Variants in JMJD1C observed in about 807,000 individuals in gnomAD.
JMJD1C encodes jumonji domain-containing protein 1C.
Under a neutral mutation model 245.3 loss-of-function variants are expected in JMJD1C, and 31 were observed. That is an observed-to-expected ratio of 0.13 (90% CI 0.09 to 0.17). JMJD1C has a LOEUF of 0.17. JMJD1C is among the 10% of genes least tolerant of loss of function. JMJD1C has a pLI of 1.00. For synonymous variants in JMJD1C, 1,057 were observed against 1,017.4 expected (o/e 1.04, Z -0.74); for missense variants, 2,691 against 3,000.2 (o/e 0.90, Z 2.41).
chr10:63,332,078 A>G (rs1942215300), intron 2 of JMJD1C, among the ~76,000 whole-genome samples: 1 of 152,236 alleles, frequency 6.6e-6, no homozygotes, highest in African/African-American at 2.4e-5. Context: ...CACAAAAGAC[A>G]ATAGCCAACA....
chr10:63,274,020 A>G (rs891322863), intron 2 of JMJD1C, among the ~76,000 whole-genome samples: 1 of 152,232 alleles, frequency 6.6e-6, no homozygotes, highest in Non-Finnish European at 1.5e-5. Context: ...ATTTTAAAAA[A>G]TTATACAGAC....
chr10:63,372,647 T>C (rs1946402651), intron 2 of JMJD1C, among the ~76,000 whole-genome samples: 1 of 152,176 alleles, frequency 6.6e-6, no homozygotes, highest in African/African-American at 2.4e-5. Context: ...AGCACATTCA[T>C]CACTTTAAAA....
intron 1 of JMJD1C, among the ~76,000 whole-genome samples, chr10:63,464,219 TTC>T (rs146351366): frequency 0.037 from 5,602 of 152,278 alleles, 326 homozygotes; most frequent in East Asian, 0.28. Flanking sequence ...TACCTCTATT[TTC>T]TGTTAGAAAT....
At chr10:63,457,652 T>C (rs1392043564) in intron 1 of JMJD1C, among the ~76,000 whole-genome samples, 1 of 151,926 alleles carries the variant, frequency 6.6e-6, no homozygotes. Flanking sequence ...GCTATAGAAA[T>C]GAAGAAAGAG....
intron 1 of JMJD1C, among the ~76,000 whole-genome samples, chr10:63,443,989 T>A (rs1024661962): frequency 2.0e-5 from 3 of 152,188 alleles, no homozygotes; most frequent in Non-Finnish European, 4.4e-5. Flanking sequence ...ATCAACTCTC[T>A]CCACTAGAAG....
In JMJD1C at chr10:63,207,505, T is replaced by C; in HGVS notation, c.4164A>G (p.Val1388=). ...CCGTTTTGGTATTACACATCGTATT[T>C]ACAGCAGACATGACTGAACTGGGAA... The part of the protein sequence containing the change: ...GSVPSSVMSA[V]NTMCNTKTDV... The change falls in exon 10 of 26, where the codon GTA becomes GTG. Residue 1388 remains valine, a synonymous_variant. Coordinates refer to ENST00000399262, the MANE Select transcript of JMJD1C (RefSeq NM_032776.3). 5 of 1,614,234 alleles carry C rather than the reference T, an allele frequency of 3.1e-6. No homozygotes were observed. Among genetic ancestry groups the C allele is most frequent in the Non-Finnish European group, 4.2e-6 (5 of 1,180,030 alleles).
At chr10:63,322,826 T>A (rs1941059643) in intron 2 of JMJD1C, among the ~76,000 whole-genome samples, 2 of 144,170 alleles carry the variant, frequency 1.4e-5, no homozygotes, top group African/African-American at 5.5e-5. Context: ...AAAAAAAACT[T>A]TTTTTTTTTT....
intron 3 of JMJD1C, among the ~76,000 whole-genome samples, chr10:63,263,790 G>T (rs1261427333): frequency 2.0e-5 from 3 of 151,814 alleles, no homozygotes; most frequent in Non-Finnish European, 4.4e-5. Flanking sequence ...AAATTAGCTG[G>T]GCGTGGTGGT....
At chr10:63,468,872 TGG>T (rs1392686338), upstream of JMJD1C, among the ~76,000 whole-genome samples, 1 of 152,218 alleles carries the variant, frequency 6.6e-6, no homozygotes, top group Non-Finnish European at 1.5e-5. Context: ...CCAGCTTCTC[TGG>T]AGGCTGCAAC....
At chr10:63,238,547 T>C (rs1041544980) in intron 3 of JMJD1C, among the ~76,000 whole-genome samples, 5 of 152,206 alleles carry the variant, frequency 3.3e-5, no homozygotes, top group Non-Finnish European at 5.9e-5. Context: ...ATACTCATGG[T>C]TATCTTTATA....
At chr10:63,235,715 G>A (rs1850654514) in intron 3 of JMJD1C, among the ~76,000 whole-genome samples, 1 of 152,020 alleles carries the variant, frequency 6.6e-6, no homozygotes, top group Non-Finnish European at 1.5e-5. Context: ...ATATTATTAG[G>A]TAATTTCTCC....
intron 18 of JMJD1C, among the ~76,000 whole-genome samples, chr10:63,187,436 TG>T (rs1480156696): frequency 6.6e-6 from 1 of 152,182 alleles, no homozygotes; most frequent in Non-Finnish European, 1.5e-5. Flanking sequence ...GCTATCACCA[TG>T]ATCTTTTTAC....
Position 63,198,721 on chromosome 10 carries a change from T to C in JMJD1C, c.5283A>G (p.Ser1761=). 6.3e-7 allele frequency: 1 copy of C among 1,580,554 alleles called. No individual in the cohort carries two copies. The highest frequency in any genetic ancestry group is 1.4e-5 in the African/African-American group (1 of 73,926). The change falls in exon 12 of 26, where the codon TCA becomes TCG. Residue 1761 remains serine, a synonymous_variant. Transcript: ENST00000399262. The stretch of plus-strand genomic sequence containing the variant: ...TTCTAACTACTCCGTTTTTACTAAA[T>C]GACAACCTGAAATATTAAAACATAA... ...FCRFYYFRRL[S]FSKNGVVRID...
chr10:63,408,858 C>T (rs908202652), intron 1 of JMJD1C, among the ~76,000 whole-genome samples: 1 of 151,724 alleles, frequency 6.6e-6, no homozygotes, highest in African/African-American at 2.4e-5. Flanking sequence ...GCCTGGAGGG[C>T]CAGTACAGAT....
chr10:63,488,668 T>C (rs1954073959), intron 1 of JMJD1C, among the ~76,000 whole-genome samples: 1 of 152,166 alleles, frequency 6.6e-6, no homozygotes, highest in African/African-American at 2.4e-5. Flanking sequence ...AAAAATAGTG[T>C]TTTATATGAC....
At chr10:63,336,668 A>C (rs562014336) in intron 2 of JMJD1C, among the ~76,000 whole-genome samples, 138 of 152,262 alleles carry the variant, frequency 9.1e-4, no homozygotes, top group African/African-American at 2.7e-3. Context: ...CATCTGTCTC[A>C]ATGACATCAT....
chr10:63,275,329 G>A (rs1004233721), intron 2 of JMJD1C, among the ~76,000 whole-genome samples: 13 of 152,162 alleles, frequency 8.5e-5, no homozygotes, highest in Admixed American at 4.6e-4. Context: ...AACTTTGAAC[G>A]CTGAATGGAG....
At chr10:63,314,919 G>A (rs1390266078) in intron 2 of JMJD1C, among the ~76,000 whole-genome samples, 3 of 149,594 alleles carry the variant, frequency 2.0e-5, no homozygotes, top group African/African-American at 7.3e-5. Flanking sequence ...AAAGTGCTGG[G>A]ATTACAGGCT....
intron 2 of JMJD1C, among the ~76,000 whole-genome samples, chr10:63,331,525 C>A (rs1284375951): frequency 6.6e-6 from 1 of 152,200 alleles, no homozygotes; most frequent in Non-Finnish European, 1.5e-5. Context: ...CACAAATCCA[C>A]TGATAGTCTA....
Sources: allele counts gnomAD v4.1 joint callset (sites outside exome capture counted in the v4.1 genomes callset), GRCh38; gene constraint gnomAD v4.1.1; transcripts MANE v1.5; gene names NCBI Gene and HGNC (gene_info 2026-07-23, HGNC 2026-07-21).